MBOAT1: variants seen among roughly 807,000 people sequenced by gnomAD.
The protein encoded by MBOAT1 is membrane bound glycerophospholipid O-acyltransferase 1, also known as membrane-bound glycerophospholipid O-acyltransferase 1.
A neutral mutation model predicts 64.4 loss-of-function variants in MBOAT1; 67 were observed. The observed-to-expected ratio is 1.04, with a 90% CI of 0.85 to 1.27. MBOAT1 has a LOEUF of 1.27. MBOAT1 is among the 50% of genes most tolerant of loss of function. The pLI, the probability that MBOAT1 is intolerant of heterozygous loss-of-function variation, is 0.00. For synonymous variants in MBOAT1, 229 were observed against 218.9 expected (o/e 1.05, Z -0.41); for missense variants, 563 against 604.6 (o/e 0.93, Z 0.72).
chr6:20,126,459 T>A, intron 7 of MBOAT1, 58 bp downstream of exon 7: 1 of 1,429,594 alleles, frequency 7.0e-7, no homozygotes, highest in East Asian at 2.4e-5. Flanking sequence ...TTAGAACCAT[T>A]ATTAGAGAGA....
At chr6:20,116,142 G>A (rs1308302428) in intron 9 of MBOAT1, among the ~76,000 whole-genome samples, 2 of 152,132 alleles carry the variant, frequency 1.3e-5, no homozygotes, top group Non-Finnish European at 2.9e-5. Flanking sequence ...GACCAGCCTG[G>A]CCAACATGGC....
chr6:20,125,859 C>T (rs767845126), intron 7 of MBOAT1: 1 of 437,592 alleles, frequency 2.3e-6, no homozygotes, highest in South Asian at 1.7e-5. Context: ...TCCTCATTTC[C>T]TTCCTTTTCC....
At chr6:20,105,323 T>A (rs1292306451) in intron 12 of MBOAT1, among the ~76,000 whole-genome samples, 4 of 152,224 alleles carry the variant, frequency 2.6e-5, no homozygotes, top group African/African-American at 9.6e-5. Context: ...TCTCTACAAT[T>A]TTAAGGAATA....
intron 9 of MBOAT1, among the ~76,000 whole-genome samples, chr6:20,116,929 G>C (rs893107280): frequency 6.6e-6 from 1 of 152,170 alleles, no homozygotes; most frequent in Non-Finnish European, 1.5e-5. Context: ...CATGAGTTTG[G>C]AAGGAGAGAA....
intron 1 of MBOAT1, among the ~76,000 whole-genome samples, chr6:20,165,942 T>C (rs988289813): frequency 6.6e-6 from 1 of 152,064 alleles, no homozygotes; most frequent in Admixed American, 6.6e-5. Flanking sequence ...GCTAATTTCA[T>C]TTTATTATAA....
chr6:20,193,604 CTTTTTTTT>C (rs367932037), intron 1 of MBOAT1, among the ~76,000 whole-genome samples: 1 of 129,740 alleles, frequency 7.7e-6, no homozygotes, highest in South Asian at 2.5e-4. Context: ...ACCAAAAATC[CTTTTTTTT>C]TTTTTTTTTT....
chr6:20,185,652 G>A (rs1762630402), intron 1 of MBOAT1, among the ~76,000 whole-genome samples: 1 of 152,154 alleles, frequency 6.6e-6, no homozygotes, highest in Non-Finnish European at 1.5e-5. Flanking sequence ...TTTGTGTGGA[G>A]AACGCTGGCT....
intron 1 of MBOAT1, among the ~76,000 whole-genome samples, chr6:20,158,453 C>T (rs1243229854): frequency 6.6e-6 from 1 of 152,146 alleles, no homozygotes; most frequent in Non-Finnish European, 1.5e-5. Flanking sequence ...AAATGTAAGA[C>T]CTGAAACTAT....
chr6:20,155,272 T>C (rs1429078154), intron 1 of MBOAT1, among the ~76,000 whole-genome samples: 1 of 152,214 alleles, frequency 6.6e-6, no homozygotes, highest in Non-Finnish European at 1.5e-5. Flanking sequence ...CTGGCAATTT[T>C]TGTTCTAACC....
intron 8 of MBOAT1, among the ~76,000 whole-genome samples, chr6:20,119,998 T>TGTGTGCGC (rs1554116203): frequency 1.1e-4 from 6 of 54,324 alleles, no homozygotes; most frequent in South Asian, 6.0e-4. Context: ...TCTGTGTGTG[T>TGTGTGCGC]GTGTGTGCGT....
intron 6 of MBOAT1, among the ~76,000 whole-genome samples, chr6:20,127,365 G>A (rs16883398): frequency 0.13 from 19,961 of 152,210 alleles, 1,776 homozygotes; most frequent in East Asian, 0.4. Flanking sequence ...ACCAGTCGCC[G>A]GAATTATCCC....
rs952589108 is a variant in MBOAT1, at chr6:20,197,362, A to C, written c.99+14774T>G. ...TCCTAAATAAGATAGCTACAAAGAT[A>C]AAATAGCTACATACCACCTCACAAT... is the stretch of plus-strand genomic sequence containing the variant. On this transcript the variant is annotated intron_variant, in intron 1 of 12. Coordinates refer to ENST00000324607, the MANE Select transcript of MBOAT1 (RefSeq NM_001080480.3). Among the ~76,000 whole-genome samples the C allele has an allele frequency of 2.0e-5, 3 of 152,196 alleles. No individual in the cohort carries two copies. In the South Asian group the frequency reaches 6.2e-4, roughly 31 times the overall value.
intron 8 of MBOAT1, among the ~76,000 whole-genome samples, chr6:20,120,322 G>A (rs2113643564): frequency 6.6e-6 from 1 of 152,180 alleles, no homozygotes; most frequent in East Asian, 1.9e-4. Context: ...CTCAGTGCTG[G>A]CCCAAGTTAA....
chr6:20,192,995 C>CTTTTT (rs1174816793), intron 1 of MBOAT1, among the ~76,000 whole-genome samples: 1,904 of 54,894 alleles, frequency 0.035, 578 homozygotes, highest in Non-Finnish European at 0.049. Context: ...GCTATAATTT[C>CTTTTT]TTTTTTTTTT....
chr6:20,206,930 C>T (rs1346115075), intron 1 of MBOAT1, among the ~76,000 whole-genome samples: 3 of 152,282 alleles, frequency 2.0e-5, no homozygotes, highest in African/African-American at 4.8e-5. Context: ...CTGCCCTCCA[C>T]GACCCACCAT....
chr6:20,186,615 T>C (rs1762662346), intron 1 of MBOAT1, among the ~76,000 whole-genome samples: 1 of 152,212 alleles, frequency 6.6e-6, no homozygotes, highest in Non-Finnish European at 1.5e-5. Context: ...GTCGCCACTT[T>C]GGGGCAGAGT....
chr6:20,131,798 T>C (rs930638075), intron 4 of MBOAT1, among the ~76,000 whole-genome samples: 1 of 152,150 alleles, frequency 6.6e-6, no homozygotes, highest in African/African-American at 2.4e-5. Context: ...CATTAGACAC[T>C]CTTGTGCCAT....
chr6:20,140,280 TA>T (rs1761131516), intron 4 of MBOAT1, among the ~76,000 whole-genome samples: 1 of 152,244 alleles, frequency 6.6e-6, no homozygotes, highest in Non-Finnish European at 1.5e-5. Context: ...GGACCCAACC[TA>T]GATTTAGAGA....
chr6:20,211,296 C>T (rs566198421), intron 1 of MBOAT1, among the ~76,000 whole-genome samples: 105 of 152,258 alleles, frequency 6.9e-4, no homozygotes, highest in Non-Finnish European at 1.4e-3. Context: ...AAAACAGGAG[C>T]GCAGTGGGTC....
Sources: allele counts gnomAD v4.1 joint callset (sites outside exome capture counted in the v4.1 genomes callset), GRCh38; gene constraint gnomAD v4.1.1; transcripts MANE v1.5; gene names NCBI Gene and HGNC (gene_info 2026-07-23, HGNC 2026-07-21).